The following NBAS variants were observed in gnomAD, a reference collection of about 807,000 sequenced individuals.
The protein encoded by NBAS is NBAS subunit of NRZ tethering complex.
NBAS carries 219 observed loss-of-function variants against 302.5 expected under a neutral mutation model. The ratio of observed to expected loss-of-function variants is 0.72; its 90% confidence interval spans 0.65 to 0.81. NBAS has a LOEUF of 0.81. Ranked by LOEUF, NBAS falls within the 30% of genes least tolerant of loss-of-function variation. NBAS has a pLI of 0.00. For synonymous variants in NBAS, 1,118 were observed against 1,021.6 expected, an observed-to-expected ratio of 1.09 and a Z score of -1.80; for missense variants, 2,932 against 2,841.6, an observed-to-expected ratio of 1.03 and a Z score of -0.72.
At chr2:15,456,347 A>T (rs1278077032) in intron 21 of NBAS, among the ~76,000 whole-genome samples, 1 of 152,250 alleles carries the variant, frequency 6.6e-6, no homozygotes, top group Non-Finnish European at 1.5e-5. Flanking sequence ...AGCAGGCAAT[A>T]GGTCAACTTG....
chr2:14,958,379 A>G, the NBAS span, among the ~76,000 whole-genome samples: 3 of 152,044 alleles, frequency 2.0e-5, no homozygotes, highest in African/African-American at 7.2e-5. Context: ...ACATTTGACA[A>G]CTCAATCAGC....
At chr2:15,273,508 C>T (rs1669425700) in intron 44 of NBAS, among the ~76,000 whole-genome samples, 1 of 152,166 alleles carries the variant, frequency 6.6e-6, no homozygotes, top group Admixed American at 6.5e-5. Context: ...AGAGAAAAGG[C>T]CAGGGGATAA....
At chr2:15,486,637 C>G (rs532791262) in intron 12 of NBAS, among the ~76,000 whole-genome samples, 2 of 152,180 alleles carry the variant, frequency 1.3e-5, no homozygotes, top group African/African-American at 2.4e-5. Flanking sequence ...GAGGTCCCCC[C>G]CTTTCCCTTT....
At chr2:14,874,650 A>G in the NBAS span, among the ~76,000 whole-genome samples, 2 of 145,630 alleles carry the variant, frequency 1.4e-5, no homozygotes, top group East Asian at 1.9e-4. Context: ...AAAAAAAGAA[A>G]AAAAAAAAAA....
At chr2:14,785,807 C>T in the NBAS span, among the ~76,000 whole-genome samples, 3 of 152,090 alleles carry the variant, frequency 2.0e-5, no homozygotes, top group African/African-American at 7.2e-5. Context: ...CTCTGCCCAG[C>T]TTTGGTATCA....
chr2:15,398,959 CAT>C (rs903090799), intron 26 of NBAS, among the ~76,000 whole-genome samples: 1 of 152,128 alleles, frequency 6.6e-6, no homozygotes, highest in Non-Finnish European at 1.5e-5. Flanking sequence ...GCTATGTATA[CAT>C]GAGAGGCATT....
At chr2:15,426,577 A>G (rs1180554094) in intron 22 of NBAS, among the ~76,000 whole-genome samples, 1 of 152,186 alleles carries the variant, frequency 6.6e-6, no homozygotes, top group Non-Finnish European at 1.5e-5. Flanking sequence ...TGTACCAACT[A>G]TCACATTTTT....
chr2:14,831,348 T>C, the NBAS span, among the ~76,000 whole-genome samples: 1 of 152,144 alleles, frequency 6.6e-6, no homozygotes, highest in African/African-American at 2.4e-5. Context: ...TACTCATTCG[T>C]GGGGATAAAA....
chr2:15,333,855 A>G (rs905756895), intron 35 of NBAS, among the ~76,000 whole-genome samples: 3 of 151,630 alleles, frequency 2.0e-5, no homozygotes, highest in Non-Finnish European at 2.9e-5. Flanking sequence ...AAAAAAAAAA[A>G]AAGAAGAGCC....
At chr2:14,898,992 T>G in the NBAS span, among the ~76,000 whole-genome samples, 4 of 152,148 alleles carry the variant, frequency 2.6e-5, no homozygotes. Context: ...AGTCATATGG[T>G]GGCTAAATGG....
At chr2:15,491,028 G>A (rs918315979) in intron 11 of NBAS, among the ~76,000 whole-genome samples, 6 of 152,132 alleles carry the variant, frequency 3.9e-5, no homozygotes, top group East Asian at 3.9e-4. Context: ...CAATATGACC[G>A]AAAGCACTGA....
At chr2:14,953,154 A>G in the NBAS span, among the ~76,000 whole-genome samples, 2 of 152,140 alleles carry the variant, frequency 1.3e-5, no homozygotes, top group African/African-American at 4.8e-5. Context: ...TGTGAGATGG[A>G]GCTGGAGGGC....
At chr2:15,511,074 A>G in intron 10 of NBAS, 138 bp downstream of exon 10, 2 of 1,070,644 alleles carry the variant, frequency 1.9e-6, no homozygotes, top group South Asian at 3.0e-5. Flanking sequence ...AAATAAAATT[A>G]TACCAGCATT....
At chr2:15,183,024 G>A (rs920449956) in intron 50 of NBAS, among the ~76,000 whole-genome samples, 2 of 151,716 alleles carry the variant, frequency 1.3e-5, no homozygotes, top group Middle Eastern at 3.2e-3. Context: ...CATGGAGTAC[G>A]ACAACCAAAG....
At chr2:14,932,803 T>C in the NBAS span, among the ~76,000 whole-genome samples, 1 of 152,226 alleles carries the variant, frequency 6.6e-6, no homozygotes, top group Non-Finnish European at 1.5e-5. Flanking sequence ...TCCATTTTTG[T>C]TGGTGTCTTT....
the NBAS span, among the ~76,000 whole-genome samples, chr2:15,052,855 C>T: frequency 6.6e-6 from 1 of 152,002 alleles, no homozygotes; most frequent in South Asian, 2.1e-4. Flanking sequence ...ATTTTTGATG[C>T]AGGAATCCTC....
At chr2:14,884,329 G>T in the NBAS span, among the ~76,000 whole-genome samples, 1 of 152,206 alleles carries the variant, frequency 6.6e-6, no homozygotes, top group Non-Finnish European at 1.5e-5. Flanking sequence ...CAACATTTCA[G>T]TTGGGAAGGG....
chr2:15,030,028 A>T, the NBAS span, among the ~76,000 whole-genome samples: 1 of 152,298 alleles, frequency 6.6e-6, no homozygotes, highest in African/African-American at 2.4e-5. Flanking sequence ...TGAAAGGCGA[A>T]CTTTTTAGCA....
chr2:14,961,676 TTATAG>T, the NBAS span, among the ~76,000 whole-genome samples: 1 of 152,274 alleles, frequency 6.6e-6, no homozygotes. Context: ...AATTTCATTC[TTATAG>T]TAAACCTCTG....
Sources: allele counts gnomAD v4.1 joint callset (sites outside exome capture counted in the v4.1 genomes callset), GRCh38; gene constraint gnomAD v4.1.1; transcripts MANE v1.5; gene names NCBI Gene and HGNC (gene_info 2026-07-23, HGNC 2026-07-21).